Variants in SYT9 observed in about 807,000 individuals in gnomAD.
SYT9 encodes the protein synaptotagmin-9.
A neutral mutation model predicts 48.4 loss-of-function variants in SYT9; 22 were observed. The ratio of observed to expected loss-of-function variants is 0.45; its 90% CI spans 0.32 to 0.65. The LOEUF is 0.65. Among genes scored for constraint, SYT9 ranks in the 30% least tolerant of loss-of-function variants. SYT9 has a pLI of 0.03. For missense variants in SYT9, 577 were observed against 622.0 expected, an observed-to-expected ratio of 0.93 and a Z score of 0.77; for synonymous variants, 265 against 245.0, an observed-to-expected ratio of 1.08 and a Z score of -0.76.
intron 3 of SYT9, among the ~76,000 whole-genome samples, chr11:7,392,939 A>T (rs1021857852): frequency 6.6e-6 from 1 of 152,088 alleles, no homozygotes; most frequent in African/African-American, 2.4e-5. Flanking sequence ...TAACTTAAAT[A>T]TGTTGATTTT....
chr11:7,302,473 G>T (rs1284135862), intron 1 of SYT9, among the ~76,000 whole-genome samples: 1 of 152,238 alleles, frequency 6.6e-6, no homozygotes, highest in Non-Finnish European at 1.5e-5. Flanking sequence ...ATCACTGAGT[G>T]GGGGTTGTTC....
chr11:7,321,448 C>T (rs1050294405), intron 3 of SYT9, among the ~76,000 whole-genome samples: 1 of 152,146 alleles, frequency 6.6e-6, no homozygotes, highest in South Asian at 2.1e-4. Context: ...CAGGCAGGCT[C>T]TGTGATTGAA....
intron 6 of SYT9, among the ~76,000 whole-genome samples, chr11:7,422,838 G>A (rs1265215593): frequency 6.6e-6 from 1 of 152,176 alleles, no homozygotes; most frequent in Admixed American, 6.5e-5. Flanking sequence ...AAAGGAGAGT[G>A]CAGGGAGCAG....
intron 3 of SYT9, among the ~76,000 whole-genome samples, chr11:7,386,752 G>A (rs907148910): frequency 2.0e-5 from 3 of 152,148 alleles, no homozygotes; most frequent in African/African-American, 7.2e-5. Flanking sequence ...ATTCCTTAGG[G>A]ATCTTGAACT....
At chr11:7,456,593 A>C (rs2134154364) in intron 6 of SYT9, among the ~76,000 whole-genome samples, 1 of 152,244 alleles carries the variant, frequency 6.6e-6, no homozygotes, top group East Asian at 1.9e-4. Context: ...TCTAATGTCC[A>C]TTTTATTGTT....
intron 3 of SYT9, among the ~76,000 whole-genome samples, chr11:7,402,439 C>CT (rs1425141655): frequency 6.6e-6 from 1 of 152,106 alleles, no homozygotes; most frequent in Non-Finnish European, 1.5e-5. Flanking sequence ...GTTTAAATCT[C>CT]TAACTCTACT....
At chr11:7,251,699 C>G (rs1847869990), upstream of SYT9, among the ~76,000 whole-genome samples, 1 of 152,074 alleles carries the variant, frequency 6.6e-6, no homozygotes, top group South Asian at 2.1e-4. Flanking sequence ...GCGCCCGGAG[C>G]GCGCACTCAC....
At chr11:7,461,576 T>C (rs1848236141) in intron 6 of SYT9, among the ~76,000 whole-genome samples, 1 of 152,214 alleles carries the variant, frequency 6.6e-6, no homozygotes, top group Non-Finnish European at 1.5e-5. Flanking sequence ...TTTCACCATG[T>C]TGACCAGGCT....
At chr11:7,278,221 A>T in intron 1 of SYT9, among the ~76,000 whole-genome samples, 1 of 152,188 alleles carries the variant, frequency 6.6e-6, no homozygotes, top group Non-Finnish European at 1.5e-5. Flanking sequence ...CTTATAAAGC[A>T]ATCACTTCCC....
Position 7,357,912 on chromosome 11 carries a change from C to A in SYT9, c.1044+43971C>A, listed in dbSNP as rs560801461. ...CTTTATCTATAGACATAATTTATTT[C>A]TCCATTGATTTAAGTGCTCATTAAG... On this transcript the variant is annotated intron_variant, in intron 3 of 6. Coordinates refer to ENST00000318881, the MANE Select transcript of SYT9 (RefSeq NM_175733.4). Among the ~76,000 whole-genome samples, 8 of 152,116 alleles carry A rather than the reference C, an allele frequency of 5.3e-5. No homozygotes were observed. The East Asian group carries it at 1.5e-3, about 29-fold the overall frequency.
At chr11:7,310,947 A>G (rs1345453931) in intron 2 of SYT9, among the ~76,000 whole-genome samples, 1 of 152,230 alleles carries the variant, frequency 6.6e-6, no homozygotes, top group African/African-American at 2.4e-5. Flanking sequence ...AAGAAAATGT[A>G]CATGTAGAAC....
intron 1 of SYT9, among the ~76,000 whole-genome samples, chr11:7,258,390 A>T (rs937415955): frequency 6.6e-6 from 1 of 152,186 alleles, no homozygotes; most frequent in Non-Finnish European, 1.5e-5. Flanking sequence ...AATGTGCATC[A>T]CGACTTCCTT....
chr11:7,238,919 A>G (rs1429011754), intron 1 of SYT9: 2 of 456,132 alleles, frequency 4.4e-6, no homozygotes, highest in Non-Finnish European at 8.8e-6. Flanking sequence ...AGGCAGAGGT[A>G]AAGTTGCTAG....
intron 1 of SYT9, among the ~76,000 whole-genome samples, chr11:7,292,435 A>G (rs1239181459): frequency 6.6e-6 from 1 of 152,230 alleles, no homozygotes; most frequent in South Asian, 2.1e-4. Context: ...CTCTTCCCCC[A>G]TTGTAAAGGT....
Position 7,401,567 on chromosome 11 carries a change from A to G in SYT9, c.1045-14475A>G, listed in dbSNP as rs1184790606. Among the ~76,000 whole-genome samples the G allele has an allele frequency of 2.0e-5, 3 of 151,578 alleles. No individual in the cohort carries two copies. The East Asian group carries it at 5.8e-4, about 29-fold the overall frequency. ...GCAATGACTTTAATTTCTTTAGTAG[A>G]TATAAGACTACTCAAGCTATCTATT... On this transcript the variant is annotated intron_variant, in intron 3 of 6. Coordinates refer to ENST00000318881, the MANE Select transcript of SYT9 (RefSeq NM_175733.4).
intron 6 of SYT9, among the ~76,000 whole-genome samples, chr11:7,436,214 G>A (rs1178423188): frequency 1.3e-5 from 2 of 152,222 alleles, no homozygotes; most frequent in Non-Finnish European, 2.9e-5. Flanking sequence ...GCTCTGTGCT[G>A]CTGAGCAGGA....
intron 1 of SYT9, among the ~76,000 whole-genome samples, chr11:7,274,683 TTCA>T (rs1554898994): frequency 6.6e-6 from 1 of 152,178 alleles, no homozygotes; most frequent in Non-Finnish European, 1.5e-5. Context: ...GGCCCTTCTC[TTCA>T]TCACTATGCA....
intron 3 of SYT9, among the ~76,000 whole-genome samples, chr11:7,395,161 AC>A (rs1393482794): frequency 6.6e-6 from 1 of 152,044 alleles, no homozygotes; most frequent in African/African-American, 2.4e-5. Context: ...CTTATCCCTC[AC>A]CCACCTCCCA....
chr11:7,419,038 G>C (rs1021884528), intron 5 of SYT9, among the ~76,000 whole-genome samples: 4 of 152,244 alleles, frequency 2.6e-5, no homozygotes, highest in Non-Finnish European at 4.4e-5. Context: ...CGTGAAGCAT[G>C]ACAGTCTTCC....
Sources: gnomAD v4.1 joint callset for allele counts (sites outside exome capture counted in the v4.1 genomes callset) on GRCh38, gnomAD v4.1.1 for gene constraint, MANE v1.5 for transcripts, NCBI Gene and HGNC (gene_info 2026-07-23, HGNC 2026-07-21) for gene names.